Variants in SLC20A2 observed in about 807,000 individuals in gnomAD.
SLC20A2 encodes the protein sodium-dependent phosphate transporter 2.
A neutral mutation model predicts 61.0 loss-of-function variants in SLC20A2; 30 were observed. The observed-to-expected ratio is 0.49, with a 90% confidence interval of 0.37 to 0.67. The LOEUF (loss-of-function observed/expected upper bound fraction) is 0.67. Ranked by LOEUF, SLC20A2 falls within the 30% of genes least tolerant of loss-of-function variation. SLC20A2 has a pLI of 0.00. For synonymous variants in SLC20A2, 351 were observed against 353.3 expected (o/e 0.99, Z 0.07); for missense variants, 626 against 866.4 (o/e 0.72, Z 3.48).
At chr8:42,485,095 C>G (rs1808867930) in intron 1 of SLC20A2, 1 of 182,362 alleles carries the variant, frequency 5.5e-6, no homozygotes. Flanking sequence ...GAGGTCAGGA[C>G]AATCACAGCC....
rs997050954 is a variant in SLC20A2, at chr8:42,437,457, C to A, written c.1055G>T (p.Gly352Val). Reference sequence around the variant, plus strand: ...TTTGTGCAGCAGATCTTTGTAGAGCCCCGAGTCTTTGTGCACGGTGTGGTA... The same window carrying A: ...TTTGTGCAGCAGATCTTTGTAGAGCACCGAGTCTTTGTGCACGGTGTGGTA... Reference protein sequence around the residue: ...HVYHTVHKDSGLYKDLLHKIH... With the variant: ...HVYHTVHKDSVLYKDLLHKIH... The change falls in exon 8 of 11, where the codon GGG becomes GTG. Residue 352 changes from glycine to valine, a missense_variant. Transcript: ENST00000520262. The surrounding 1 kb of genome is among the most constrained non-coding windows in gnomAD (Gnocchi z 6.4). The A allele has an allele frequency of 1.9e-6, 3 of 1,613,958 alleles. No homozygotes were observed. Among genetic ancestry groups the A allele is most frequent in the Non-Finnish European group, 2.5e-6 (3 of 1,180,010 alleles).
chr8:42,506,129 C>T (rs959318269), upstream of SLC20A2, among the ~76,000 whole-genome samples: 28 of 151,986 alleles, frequency 1.8e-4, no homozygotes, highest in African/African-American at 6.8e-4. Flanking sequence ...TTAGTAGAGA[C>T]GGGGTTTCGC....
intron 2 of SLC20A2, among the ~76,000 whole-genome samples, chr8:42,467,505 C>T (rs1218736298): frequency 6.6e-6 from 1 of 152,228 alleles, no homozygotes; most frequent in Non-Finnish European, 1.5e-5. Context: ...AACGTTAATT[C>T]TGGAAACCTG....
At chr8:42,421,976 T>C (rs1243762385) in intron 10 of SLC20A2, among the ~76,000 whole-genome samples, 1 of 152,178 alleles carries the variant, frequency 6.6e-6, no homozygotes, top group African/African-American at 2.4e-5. Context: ...TGGTGGGTGA[T>C]GCAGTCCTGC....
At chr8:42,526,335 T>G (rs535214890) in intron 1 of SLC20A2, among the ~76,000 whole-genome samples, 1 of 151,646 alleles carries the variant, frequency 6.6e-6, no homozygotes, top group South Asian at 2.1e-4. Flanking sequence ...ACTGGTGAAC[T>G]GAAAACTGTC....
At chr8:42,514,769 GA>G (rs35484439) in intron 1 of SLC20A2, among the ~76,000 whole-genome samples, 12,895 of 134,124 alleles carry the variant, frequency 0.096, 626 homozygotes, top group Middle Eastern at 0.21. Context: ...AAAAAAAAAA[GA>G]AAAAAAAAAA....
At chr8:42,538,224 T>C (rs146972077) in intron 1 of SLC20A2, 2 of 148,570 alleles carry the variant, frequency 1.3e-5, no homozygotes, top group Admixed American at 1.3e-4. Flanking sequence ...TATATATACA[T>C]GTATATTATA....
intron 1 of SLC20A2, among the ~76,000 whole-genome samples, chr8:42,498,437 T>C (rs1810087089): frequency 6.6e-6 from 1 of 152,182 alleles, no homozygotes; most frequent in Non-Finnish European, 1.5e-5. Context: ...TTCCCTTTTC[T>C]TCATTTTCAC....
At chr8:42,430,787 C>T (rs1312727363) in intron 8 of SLC20A2, among the ~76,000 whole-genome samples, 2 of 152,274 alleles carry the variant, frequency 1.3e-5, no homozygotes, top group South Asian at 2.1e-4. Flanking sequence ...GTAATTCTCA[C>T]AGTATTCCCG....
rs1804434674 is a variant in SLC20A2, at chr8:42,437,992, A to G, written c.935-415T>C. Among the ~76,000 whole-genome samples, 1 of 141,570 alleles carries G rather than the reference A, an allele frequency of 7.1e-6. No individual in the cohort carries two copies. The highest frequency in any genetic ancestry group is 7.9e-5 in the Admixed American group (1 of 12,680). 92.9% of individuals were successfully genotyped at this position (141,570 alleles called of 152,430 possible). A position where few individuals can be genotyped will look rare whatever the true frequency, so the allele number is the denominator to read the frequency against. The stretch of plus-strand genomic sequence containing the variant: ...ATCTCCAGAAGGCTGGGGATGACTT[A>G]TTAACATATACTTTCTTTTCTAAGT... On this transcript the variant is annotated intron_variant, in intron 7 of 10. Transcript: ENST00000520262. This position sits in a 1 kb window ranked among gnomAD's most constrained non-coding sequence, Gnocchi z 6.4.
intron 1 of SLC20A2, among the ~76,000 whole-genome samples, chr8:42,539,932 T>G (rs1812965145): frequency 6.6e-6 from 1 of 152,194 alleles, no homozygotes; most frequent in Non-Finnish European, 1.5e-5. Context: ...AACACATTAA[T>G]TTACTCTATG....
At chr8:42,458,426 T>C (rs774292505) in intron 5 of SLC20A2, among the ~76,000 whole-genome samples, 28 of 150,132 alleles carry the variant, frequency 1.9e-4, no homozygotes, top group Non-Finnish European at 3.3e-4. Flanking sequence ...AGGAGTTTGA[T>C]ACCAGCCTGG....
At chr8:42,458,835 G>A (rs1806429415) in intron 5 of SLC20A2, among the ~76,000 whole-genome samples, 1 of 151,634 alleles carries the variant, frequency 6.6e-6, no homozygotes, top group African/African-American at 2.4e-5. Context: ...CATGAACCCA[G>A]GAGGCGGAGC....
At chr8:42,540,926 T>C (rs1350401200) in intron 1 of SLC20A2, 4 of 152,214 alleles carry the variant, frequency 2.6e-5, no homozygotes, top group Non-Finnish European at 2.9e-5. Flanking sequence ...CTGACAATGC[T>C]ATAGCATCCT....
At chr8:42,426,922 A>T (rs1803454726) in intron 10 of SLC20A2, among the ~76,000 whole-genome samples, 1 of 152,218 alleles carries the variant, frequency 6.6e-6, no homozygotes. Context: ...CGCTCCACAC[A>T]CCACAGTGAA....
intron 1 of SLC20A2, among the ~76,000 whole-genome samples, chr8:42,498,632 G>A (rs1810110153): frequency 6.6e-6 from 1 of 152,096 alleles, no homozygotes; most frequent in Non-Finnish European, 1.5e-5. Context: ...TTCCTCCTGA[G>A]GGCCATATCC....
At chr8:42,523,188 G>T (rs1811698986) in intron 1 of SLC20A2, among the ~76,000 whole-genome samples, 1 of 152,010 alleles carries the variant, frequency 6.6e-6, no homozygotes, top group Non-Finnish European at 1.5e-5. Context: ...AAATTAGCTG[G>T]GCATGGTGGC....
At chr8:42,465,952 G>C in intron 2 of SLC20A2, 35 bp from the exon 3 acceptor site, 1 of 1,564,944 alleles carries the variant, frequency 6.4e-7, no homozygotes, top group Non-Finnish European at 8.6e-7. Flanking sequence ...ATCAGATACA[G>C]AGTACAGAGG....
intron 1 of SLC20A2, among the ~76,000 whole-genome samples, chr8:42,536,189 T>C (rs1158017184): frequency 6.6e-6 from 1 of 152,198 alleles, no homozygotes; most frequent in Non-Finnish European, 1.5e-5. Context: ...TTATTACAAG[T>C]TTCTTTTATG....
Sources: allele counts gnomAD v4.1 joint callset (sites outside exome capture counted in the v4.1 genomes callset), GRCh38; gene constraint gnomAD v4.1.1; non-coding constraint Gnocchi (gnomAD v3.1); transcripts MANE v1.5; gene names NCBI Gene and HGNC (gene_info 2026-07-23, HGNC 2026-07-21).